Variants in GRM8 observed in about 807,000 individuals in gnomAD.
The protein encoded by GRM8 is glutamate metabotropic receptor 8.
In GRM8, 47 loss-of-function variants were observed where a neutral mutation model predicts 87.2. That is an observed-to-expected ratio of 0.54 (90% CI 0.43 to 0.69). The LOEUF (loss-of-function observed/expected upper bound fraction) is 0.69. GRM8 is among the 30% of genes least tolerant of loss of function. The probability of loss-of-function intolerance (pLI) is 0.00; values close to 1 mark genes in which losing one functional copy is unlikely to be tolerated. For missense variants in GRM8, 1,019 were observed against 1,139.2 expected (o/e 0.89, Z 1.52); for synonymous variants, 396 against 404.5 (o/e 0.98, Z 0.25).
intron 3 of GRM8, among the ~76,000 whole-genome samples, chr7:127,078,936 C>T (rs144515391): frequency 6.6e-6 from 1 of 152,134 alleles, no homozygotes; most frequent in South Asian, 2.1e-4. Context: ...AATTGACATT[C>T]ATCTATAAGG....
chr7:127,142,902 TAA>T (rs1290193406), intron 2 of GRM8, among the ~76,000 whole-genome samples: 1 of 152,174 alleles, frequency 6.6e-6, no homozygotes, highest in Non-Finnish European at 1.5e-5. Flanking sequence ...TTTATTAGTG[TAA>T]GTCATGATTT....
At chr7:126,863,017 C>A (rs771970378) in intron 6 of GRM8, among the ~76,000 whole-genome samples, 7 of 152,026 alleles carry the variant, frequency 4.6e-5, no homozygotes, top group Non-Finnish European at 7.4e-5. Flanking sequence ...AGGTTCTCTG[C>A]TATTCCTCCT....
rs550593608 is a variant in GRM8 at position 126,632,424 on chromosome 7, A to T, written c.1358-22926T>A. ...TGTGGAGGAACAGGAACACTTTTAC[A>T]CTGTTGGTGGGAATGTAAATTAATT... On this transcript the variant is annotated intron_variant, in intron 7 of 10. Transcript: ENST00000339582. Among the ~76,000 whole-genome samples the T allele has an allele frequency of 2.0e-5, 3 of 152,312 alleles. No individual in the cohort carries two copies. In the East Asian group the frequency reaches 5.8e-4, roughly 29 times the overall value.
chr7:126,717,555 A>C (rs369695337), intron 7 of GRM8, among the ~76,000 whole-genome samples: 1 of 152,230 alleles, frequency 6.6e-6, no homozygotes, highest in East Asian at 1.9e-4. Flanking sequence ...AAAGTAATAC[A>C]GGCCAATAAC....
At chr7:127,049,234 C>T (rs958223751) in intron 3 of GRM8, among the ~76,000 whole-genome samples, 2 of 152,102 alleles carry the variant, frequency 1.3e-5, no homozygotes, top group Admixed American at 1.3e-4. Context: ...CACATACACA[C>T]ACACACAGAG....
intron 2 of GRM8, among the ~76,000 whole-genome samples, chr7:127,156,857 T>C (rs965526309): frequency 4.6e-5 from 7 of 151,830 alleles, no homozygotes; most frequent in Admixed American, 1.3e-4. Flanking sequence ...AAACAATATA[T>C]GAAGAATATA....
At chr7:126,809,158 C>A (rs1414409921) in intron 6 of GRM8, among the ~76,000 whole-genome samples, 1 of 152,188 alleles carries the variant, frequency 6.6e-6, no homozygotes, top group African/African-American at 2.4e-5. Flanking sequence ...ATCTTGAAAT[C>A]TCTCTAACAC....
Position 127,184,026 on chromosome 7 carries a change from C to A in GRM8, c.510+58669G>T, listed in dbSNP as rs188532970. 1.2e-3 allele frequency among the ~76,000 whole-genome samples: 179 copies of A among 151,904 alleles called. 1 individual carries two copies. Among genetic ancestry groups the A allele is most frequent in the African/African-American group, 4.3e-3 (178 of 41,518 alleles). ...CCAATGAAATTGAATCAATAATTAA[C>A]AACCATCAAAACAAAAGCACCAGGC... On this transcript the variant is annotated intron_variant, in intron 2 of 10. Transcript: ENST00000339582.
At chr7:127,197,044 G>C (rs562658952) in intron 2 of GRM8, among the ~76,000 whole-genome samples, 3 of 152,150 alleles carry the variant, frequency 2.0e-5, no homozygotes, top group African/African-American at 7.2e-5. Context: ...CTTGATACAT[G>C]GTACAAACGC....
intron 2 of GRM8, among the ~76,000 whole-genome samples, chr7:127,120,683 T>C (rs1370444967): frequency 6.6e-6 from 1 of 152,244 alleles, no homozygotes; most frequent in Non-Finnish European, 1.5e-5. Flanking sequence ...TTGCAAAGAT[T>C]ATTTTTGTAG....
At chr7:127,234,808 C>G (rs1301633736) in intron 2 of GRM8, among the ~76,000 whole-genome samples, 2 of 152,190 alleles carry the variant, frequency 1.3e-5, no homozygotes, top group African/African-American at 2.4e-5. Context: ...CACAGGACAG[C>G]CTTCAGATTT....
At chr7:126,532,707 A>G (rs1351500986) in intron 9 of GRM8, among the ~76,000 whole-genome samples, 2 of 148,822 alleles carry the variant, frequency 1.3e-5, no homozygotes, top group African/African-American at 4.9e-5. Context: ...AGTGTTTTTC[A>G]TGGAAAATCA....
At chr7:126,839,372 AT>A (rs1796070926) in intron 6 of GRM8, among the ~76,000 whole-genome samples, 2 of 152,286 alleles carry the variant, frequency 1.3e-5, no homozygotes, top group South Asian at 2.1e-4. Context: ...TATCCAAGTG[AT>A]TTATATGCAC....
rs1008836983 is a variant in GRM8 at position 127,252,596 on chromosome 7, G to C, written c.-312+201C>G. The stretch of plus-strand genomic sequence containing the variant: ...CTCAGGAAAAACAAATCACTAGAGT[G>C]ATATGAGAAGGAATGGTGCACCTGG... On this transcript the variant is annotated intron_variant, in intron 1 of 10. Transcript: ENST00000339582. The surrounding 1 kb of genome is among the most constrained non-coding windows in gnomAD (Gnocchi z 4.9). Among the ~76,000 whole-genome samples, 1 of 152,122 alleles carries C rather than the reference G, an allele frequency of 6.6e-6. No individual in the cohort carries two copies. Among genetic ancestry groups the C allele is most frequent in the Non-Finnish European group, 1.5e-5 (1 of 68,030 alleles).
chr7:127,054,904 A>C (rs1477151291), intron 3 of GRM8, among the ~76,000 whole-genome samples: 1 of 152,166 alleles, frequency 6.6e-6, no homozygotes, highest in Non-Finnish European at 1.5e-5. Flanking sequence ...AATGCTAAAA[A>C]AAAAAAATAG....
intron 3 of GRM8, among the ~76,000 whole-genome samples, chr7:126,995,480 G>C (rs1162188605): frequency 6.6e-6 from 1 of 152,148 alleles, no homozygotes; most frequent in Non-Finnish European, 1.5e-5. Context: ...GAAGAATTCA[G>C]AATTCTATCA....
intron 2 of GRM8, among the ~76,000 whole-genome samples, chr7:127,143,092 C>A (rs1372416914): frequency 6.6e-6 from 1 of 152,100 alleles, no homozygotes; most frequent in Non-Finnish European, 1.5e-5. Flanking sequence ...TCAAGCTGGT[C>A]TTTAAGATTA....
At chr7:127,229,758 C>G (rs1281169472) in intron 2 of GRM8, 1 of 152,154 alleles carries the variant, frequency 6.6e-6, no homozygotes, top group Non-Finnish European at 1.5e-5. Context: ...CAAATTTTTA[C>G]CTTGCTGAGA....
At chr7:126,592,809 C>A (rs1049911061) in intron 8 of GRM8, among the ~76,000 whole-genome samples, 1 of 151,688 alleles carries the variant, frequency 6.6e-6, no homozygotes, top group East Asian at 1.9e-4. Flanking sequence ...ATAGTCAAAG[C>A]AATAGGCAAG....
Sources: gnomAD v4.1 joint callset for allele counts (sites outside exome capture counted in the v4.1 genomes callset) on GRCh38, gnomAD v4.1.1 for gene constraint, Gnocchi (gnomAD v3.1) non-coding constraint, MANE v1.5 for transcripts, NCBI Gene and HGNC (gene_info 2026-07-23, HGNC 2026-07-21) for gene names.